The following PLCXD2 variants were observed in gnomAD, a reference collection of about 807,000 sequenced individuals.
PLCXD2 encodes the protein phosphatidylinositol specific phospholipase C X domain containing 2.
In PLCXD2, 21 loss-of-function variants were observed where a neutral mutation model predicts 28.6. The ratio of observed to expected loss-of-function variants is 0.73; its 90% CI spans 0.52 to 1.06. The LOEUF (loss-of-function observed/expected upper bound fraction) is 1.06. PLCXD2 is among the 50% of genes least tolerant of loss of function. The probability of loss-of-function intolerance (pLI) is 0.00; values close to 1 mark genes in which losing one functional copy is unlikely to be tolerated. For missense variants in PLCXD2, 369 were observed against 376.7 expected (o/e 0.98, Z 0.17); for synonymous variants, 140 against 150.1 (o/e 0.93, Z 0.49).
At chr3:111,719,924 A>T (rs1382572082) in intron 3 of PLCXD2, among the ~76,000 whole-genome samples, 2 of 152,254 alleles carry the variant, frequency 1.3e-5, no homozygotes, top group Admixed American at 1.3e-4. Flanking sequence ...AATTAAAAAC[A>T]GATATTGAAC....
At chr3:111,678,366 A>G (rs1018503800) in intron 1 of PLCXD2, among the ~76,000 whole-genome samples, 1 of 152,252 alleles carries the variant, frequency 6.6e-6, no homozygotes, top group Non-Finnish European at 1.5e-5. Flanking sequence ...CAGACATCAT[A>G]AAAGACAGAT....
rs926809619 is a variant in PLCXD2 at position 111,714,210 on chromosome 3, G to T, written c.866+82G>T. 9 of 1,478,300 alleles carry T rather than the reference G, an allele frequency of 6.1e-6. No homozygotes were observed. In the South Asian group the frequency reaches 1.2e-4, roughly 20 times the overall value. The allele number at this position is 1,478,300 out of a possible 1,614,324, so 91.6% of individuals were successfully genotyped here. A position where few individuals can be genotyped will look rare whatever the true frequency, so the allele number is the denominator to read the frequency against. The stretch of plus-strand genomic sequence containing the variant: ...TCTATTCTGAGTAAATCGCAGTAAA[G>T]CCATGTAGTCTGAGGAGTTAGAAAA... On this transcript the variant is annotated intron_variant, in intron 3 of 4. Transcript: ENST00000477665.
At chr3:111,695,470 C>T (rs565842208) in intron 1 of PLCXD2, among the ~76,000 whole-genome samples, 3 of 152,378 alleles carry the variant, frequency 2.0e-5, no homozygotes, top group African/African-American at 7.2e-5. Flanking sequence ...ATGCCAGCAT[C>T]ACTGCTGTCG....
chr3:111,681,259 C>G (rs1940710305), intron 1 of PLCXD2, among the ~76,000 whole-genome samples: 1 of 152,184 alleles, frequency 6.6e-6, no homozygotes, highest in African/African-American at 2.4e-5. Context: ...AGAAAACTTT[C>G]TTTAGTTATT....
chr3:111,716,330 G>A (rs1274907492), intron 3 of PLCXD2, among the ~76,000 whole-genome samples: 10 of 152,078 alleles, frequency 6.6e-5, no homozygotes, highest in Admixed American at 6.6e-4. Context: ...CTGGTCGCTG[G>A]CACTGGTGGT....
intron 1 of PLCXD2, among the ~76,000 whole-genome samples, chr3:111,702,696 A>G (rs1171652278): frequency 6.6e-6 from 1 of 152,230 alleles, no homozygotes; most frequent in Admixed American, 6.5e-5. Context: ...CCAAGCAGCA[A>G]TTCTCTTAGA....
chr3:111,697,055 C>T (rs763094696), intron 1 of PLCXD2, among the ~76,000 whole-genome samples: 4 of 152,016 alleles, frequency 2.6e-5, no homozygotes, highest in African/African-American at 4.8e-5. Context: ...CTTTGGTAAC[C>T]GAGAAGACCT....
chr3:111,718,021 A>G (rs962475078), intron 3 of PLCXD2, among the ~76,000 whole-genome samples: 3 of 152,062 alleles, frequency 2.0e-5, no homozygotes, highest in Admixed American at 6.6e-5. Flanking sequence ...ATCATATCAC[A>G]GAAACTCTTC....
At chr3:111,683,985 T>A (rs1209922375) in intron 1 of PLCXD2, among the ~76,000 whole-genome samples, 1 of 151,924 alleles carries the variant, frequency 6.6e-6, no homozygotes, top group African/African-American at 2.4e-5. Context: ...GTACTGTGGG[T>A]TGCAAGGAGG....
rs759207294 is a variant in PLCXD2, at chr3:111,675,387, C to T, written c.142C>T (p.Leu48Phe). ...CCCCCCTCACCTCCACAACCTCCCC[C>T]TTTCCAATCTGGCAATCCCAGGTAT... Residue 48 changes from leucine to phenylalanine, a missense_variant, in exon 1 of 5, where the codon CTT becomes TTT. Transcript: ENST00000477665. 8.7e-6 allele frequency: 14 copies of T among 1,614,200 alleles called. No homozygotes were observed. The Admixed American group carries it at 2.2e-4, about 25-fold the overall frequency.
At chr3:111,701,661 T>G (rs1261815036) in intron 1 of PLCXD2, among the ~76,000 whole-genome samples, 1 of 152,188 alleles carries the variant, frequency 6.6e-6, no homozygotes, top group East Asian at 1.9e-4. Flanking sequence ...AAATTAGGGT[T>G]TCTGTTTGTT....
chr3:111,717,645 C>A (rs552962606), intron 3 of PLCXD2, among the ~76,000 whole-genome samples: 1 of 152,298 alleles, frequency 6.6e-6, no homozygotes, highest in African/African-American at 2.4e-5. Context: ...TCCAGGGATC[C>A]TCCAAGGTGA....
intron 3 of PLCXD2, chr3:111,721,004 T>C (rs1941338109): frequency 2.5e-6 from 1 of 402,148 alleles, no homozygotes. Flanking sequence ...GGCTTTTTTT[T>C]CTCCCTTCCT....
chr3:111,717,930 T>C (rs955190131), intron 3 of PLCXD2, among the ~76,000 whole-genome samples: 2 of 152,100 alleles, frequency 1.3e-5, no homozygotes, highest in African/African-American at 2.4e-5. Context: ...TAAGGTGTAG[T>C]TTCTTACTCC....
At chr3:111,711,659 TG>T (rs1169564013) in intron 2 of PLCXD2, among the ~76,000 whole-genome samples, 2 of 152,294 alleles carry the variant, frequency 1.3e-5, no homozygotes, top group East Asian at 3.9e-4. Context: ...TGTACATTAG[TG>T]GCTATGGGTT....
At chr3:111,705,370 C>G (rs1003131754) in intron 1 of PLCXD2, among the ~76,000 whole-genome samples, 1 of 152,040 alleles carries the variant, frequency 6.6e-6, no homozygotes, top group Non-Finnish European at 1.5e-5. Context: ...GAATAGTATT[C>G]CAGTATGTGT....
At chr3:111,682,618 G>A (rs1940734113) in intron 1 of PLCXD2, among the ~76,000 whole-genome samples, 2 of 152,172 alleles carry the variant, frequency 1.3e-5, no homozygotes, top group African/African-American at 4.8e-5. Flanking sequence ...AAATGCCTAG[G>A]CCCTGTCAGA....
At chr3:111,693,648 C>A (rs1940917921) in intron 1 of PLCXD2, among the ~76,000 whole-genome samples, 1 of 152,142 alleles carries the variant, frequency 6.6e-6, no homozygotes, top group African/African-American at 2.4e-5. Flanking sequence ...CTTCGAATGC[C>A]CCCAGATCGA....
intron 2 of PLCXD2, among the ~76,000 whole-genome samples, chr3:111,712,788 C>T (rs1450705069): frequency 6.6e-6 from 1 of 152,194 alleles, no homozygotes; most frequent in Admixed American, 6.5e-5. Flanking sequence ...GGGCATTCCT[C>T]CAGGAAAAGA....
Sources: gnomAD v4.1 joint callset for allele counts (sites outside exome capture counted in the v4.1 genomes callset) on GRCh38, gnomAD v4.1.1 for gene constraint, MANE v1.5 for transcripts, NCBI Gene and HGNC (gene_info 2026-07-23, HGNC 2026-07-21) for gene names.